Variants in CSMD1 observed in about 807,000 individuals in gnomAD.
CSMD1 encodes CUB and Sushi multiple domains 1.
Under a neutral mutation model 417.5 loss-of-function variants are expected in CSMD1, and 213 were observed. That is an observed-to-expected ratio of 0.51 (90% confidence interval 0.46 to 0.57). CSMD1 has a LOEUF of 0.57. CSMD1 is among the 20% of genes least tolerant of loss of function. The pLI is 0.00. For synonymous variants in CSMD1, 2,862 were observed against 1,736.8 expected, an observed-to-expected ratio of 1.65 and a Z score of -16.11; for missense variants, 6,923 against 4,529.7, an observed-to-expected ratio of 1.53 and a Z score of -15.17.
chr8:3,694,071 G>A (rs962451518), intron 7 of CSMD1, among the ~76,000 whole-genome samples: 1 of 151,578 alleles, frequency 6.6e-6, no homozygotes, highest in East Asian at 1.9e-4. Flanking sequence ...TGTGTGTTGT[G>A]TGTGTTGGAG....
At chr8:3,593,535 G>A (rs2469359) in intron 8 of CSMD1, among the ~76,000 whole-genome samples, 125,628 of 152,180 alleles carry the variant, frequency 0.83, 52,074 homozygotes, top group Non-Finnish European at 0.85. Context: ...GGCCCTTAAC[G>A]TCCTTGAGAG....
At chr8:4,351,355 T>C (rs542320339) in intron 3 of CSMD1, among the ~76,000 whole-genome samples, 5 of 152,340 alleles carry the variant, frequency 3.3e-5, no homozygotes, top group Non-Finnish European at 5.9e-5. Context: ...ATTTGAGGCA[T>C]CTCCTTATTC....
Position 3,893,382 on chromosome 8 carries a change from T to C in CSMD1, c.818+104521A>G, listed in dbSNP as rs1327044298. On this transcript the variant is annotated intron_variant, in intron 5 of 69. Coordinates refer to ENST00000635120, the MANE Select transcript of CSMD1 (RefSeq NM_033225.6). The stretch of plus-strand genomic sequence containing the variant: ...ATATATTATTTTTTTTCTTAGAGGG[T>C]CATCAAAATTGTATGACCTTGAAGC... 2.1e-5 allele frequency among the ~76,000 whole-genome samples: 3 copies of C among 142,502 alleles called. No homozygotes were observed. The South Asian group carries it at 6.7e-4, about 32-fold the overall frequency. 93.5% of individuals were successfully genotyped at this position (142,502 alleles called of 152,430 possible).
At chr8:4,217,767 G>A (rs1231979642) in intron 3 of CSMD1, among the ~76,000 whole-genome samples, 1 of 152,132 alleles carries the variant, frequency 6.6e-6, no homozygotes, top group Admixed American at 6.6e-5. Flanking sequence ...GGAACATTTA[G>A]GGCAGGATTG....
intron 3 of CSMD1, among the ~76,000 whole-genome samples, chr8:4,326,230 C>G (rs1231607698): frequency 6.6e-6 from 1 of 152,162 alleles, no homozygotes. Context: ...CTTTGAAAAC[C>G]ATTGGTCTAA....
In CSMD1 at chr8:3,989,400, A is replaced by G. The variant is rs1353508822; in HGVS notation, c.818+8503T>C. Among the ~76,000 whole-genome samples, 8 of 152,310 alleles carry G rather than the reference A, an allele frequency of 5.3e-5. No individual in the cohort carries two copies. In the South Asian group the frequency reaches 1.2e-3, roughly 24 times the overall value. On this transcript the variant is annotated intron_variant, in intron 5 of 69. Coordinates refer to ENST00000635120, the MANE Select transcript of CSMD1 (RefSeq NM_033225.6). Reference sequence around the variant, plus strand: ...AAAGGTAATGAAAAAACGACAGAGGACATTGCCCAACACTCTCCAAGCTAG... The same window carrying G: ...AAAGGTAATGAAAAAACGACAGAGGGCATTGCCCAACACTCTCCAAGCTAG...
intron 10 of CSMD1, among the ~76,000 whole-genome samples, chr8:3,564,781 G>C (rs922741873): frequency 2.6e-5 from 4 of 151,892 alleles, no homozygotes; most frequent in African/African-American, 9.7e-5. Flanking sequence ...ATCTTGAAAG[G>C]GGTGATGACA....
At chr8:4,157,712 G>A (rs114747488) in intron 3 of CSMD1, among the ~76,000 whole-genome samples, 1,764 of 152,346 alleles carry the variant, frequency 0.012, 18 homozygotes, top group South Asian at 0.026. Flanking sequence ...GGTCTGCACA[G>A]TTGTCCCTCT....
intron 3 of CSMD1, among the ~76,000 whole-genome samples, chr8:4,163,590 G>A (rs1026360089): frequency 6.6e-6 from 1 of 152,130 alleles, no homozygotes; most frequent in Admixed American, 6.5e-5. Flanking sequence ...AAAACTTCCT[G>A]TTTTAAAGTG....
intron 5 of CSMD1, among the ~76,000 whole-genome samples, chr8:3,919,829 G>C (rs927403074): frequency 6.6e-6 from 1 of 151,936 alleles, no homozygotes; most frequent in Non-Finnish European, 1.5e-5. Flanking sequence ...ATAATTTTCA[G>C]TGTACAGATC....
At chr8:3,730,324 C>T (rs184733252) in intron 6 of CSMD1, among the ~76,000 whole-genome samples, 1 of 151,736 alleles carries the variant, frequency 6.6e-6, no homozygotes, top group Non-Finnish European at 1.5e-5. Context: ...GATAAATGAA[C>T]ACACTGATGC....
intron 6 of CSMD1, among the ~76,000 whole-genome samples, chr8:3,733,747 TA>T (rs1216830568): frequency 2.0e-5 from 3 of 152,188 alleles, no homozygotes; most frequent in Admixed American, 6.5e-5. Flanking sequence ...TGTGTTCAAG[TA>T]ACCCTTATTT....
At chr8:4,168,809 G>T (rs909936396) in intron 3 of CSMD1, among the ~76,000 whole-genome samples, 3 of 151,660 alleles carry the variant, frequency 2.0e-5, no homozygotes, top group Non-Finnish European at 4.4e-5. Flanking sequence ...ATTTTCCTTT[G>T]AACTAACTTC....
At chr8:4,980,908 A>C (rs965289888) in intron 1 of CSMD1, among the ~76,000 whole-genome samples, 1 of 152,104 alleles carries the variant, frequency 6.6e-6, no homozygotes, top group Non-Finnish European at 1.5e-5. Flanking sequence ...TCTCGAAAAA[A>C]AAAAAAACTT....
chr8:4,534,094 G>T (rs1414648224), intron 2 of CSMD1, among the ~76,000 whole-genome samples: 1 of 152,098 alleles, frequency 6.6e-6, no homozygotes, highest in Non-Finnish European at 1.5e-5. Flanking sequence ...AACAGATTAT[G>T]TACACATGTA....
At chr8:4,480,148 A>G (rs1289667025) in intron 2 of CSMD1, among the ~76,000 whole-genome samples, 1 of 150,596 alleles carries the variant, frequency 6.6e-6, no homozygotes, top group Admixed American at 6.6e-5. Context: ...TCTGTTTTCT[A>G]CTATTTTCCT....
chr8:2,955,763 C>T lies in CSMD1; in HGVS notation c.9820G>A (p.Ala3274Thr), dbSNP rs1239390684. 6.2e-7 allele frequency: 1 copy of T among 1,613,338 alleles called. No homozygotes were observed. The highest frequency in any genetic ancestry group is 1.1e-5 in the South Asian group (1 of 91,008). Reference protein sequence around the residue: ...SGIQTECIPHACRQPETPAHA... With the variant: ...SGIQTECIPHTCRQPETPAHA... ...GCCGGGGTTTCTGGCTGTCTGCAGG[C>T]ATGAGCTGAAACAACATTAGGAAAC... Residue 3274 changes from alanine to threonine, a missense_variant, in exon 64 of 70, where the codon GCC (alanine) becomes ACC (threonine). Transcript: ENST00000635120.
chr8:3,981,688 C>T (rs1250023180), intron 5 of CSMD1, among the ~76,000 whole-genome samples: 1 of 151,806 alleles, frequency 6.6e-6, no homozygotes, highest in Non-Finnish European at 1.5e-5. Flanking sequence ...TAATTGTGCC[C>T]CAAAGAAAGG....
At chr8:3,774,706 C>G (rs113403390) in intron 5 of CSMD1, among the ~76,000 whole-genome samples, 10 of 152,238 alleles carry the variant, frequency 6.6e-5, no homozygotes, top group Middle Eastern at 3.4e-3. Flanking sequence ...AAAGGAATAA[C>G]TTCACGATTT....
Sources: allele counts gnomAD v4.1 joint callset (sites outside exome capture counted in the v4.1 genomes callset), GRCh38; gene constraint gnomAD v4.1.1; transcripts MANE v1.5; gene names NCBI Gene and HGNC (gene_info 2026-07-23, HGNC 2026-07-21).